MYO3B: variants seen among roughly 807,000 people sequenced by gnomAD.
MYO3B encodes the protein myosin-IIIb.
In MYO3B, 156 loss-of-function variants were observed where a neutral mutation model predicts 174.6. The observed-to-expected ratio is 0.89, with a 90% CI of 0.78 to 1.02. The LOEUF is 1.02. MYO3B is among the 50% of genes least tolerant of loss of function. The pLI is 0.00. For synonymous variants in MYO3B, 563 were observed against 569.1 expected, an observed-to-expected ratio of 0.99 and a Z score of 0.15; for missense variants, 1,632 against 1,639.4, an observed-to-expected ratio of 1.00 and a Z score of 0.08.
At chr2:170,263,838 C>A (rs370869177) in intron 7 of MYO3B, among the ~76,000 whole-genome samples, 6 of 152,112 alleles carry the variant, frequency 3.9e-5, no homozygotes, top group African/African-American at 1.4e-4. Flanking sequence ...TTTACTAATC[C>A]TCCTCAGCAC....
At chr2:170,623,600 G>C (rs1322884893) in intron 32 of MYO3B, among the ~76,000 whole-genome samples, 1 of 152,218 alleles carries the variant, frequency 6.6e-6, no homozygotes, top group East Asian at 1.9e-4. Flanking sequence ...TGTCAATTTT[G>C]GCTTTTGTTG....
rs946642106 is a variant in MYO3B at position 170,654,637 on chromosome 2, G to A, written c.*1516G>A. On this transcript the variant is annotated 3_prime_UTR_variant, in exon 35 of 35. Transcript: ENST00000408978. ...CACTCCAGCCTGGGCGACAGGGCAA[G>A]ACTCTGTCTCAAAAAAAAAAAAAAA... The A allele has an allele frequency of 4.0e-5, 4 of 101,198 alleles. No individual in the cohort carries two copies. The highest frequency in any genetic ancestry group is 8.4e-5 in the African/African-American group (2 of 23,872). 6.3% of individuals were successfully genotyped at this position (101,198 alleles called of 1,614,324 possible). A position where few individuals can be genotyped will look rare whatever the true frequency, so the allele number is the denominator to read the frequency against.
intron 1 of MYO3B, among the ~76,000 whole-genome samples, chr2:170,187,527 C>A (rs1437484304): frequency 6.6e-6 from 1 of 152,124 alleles, no homozygotes; most frequent in Non-Finnish European, 1.5e-5. Flanking sequence ...CTGTGCCCAG[C>A]CACTTTTCTA....
intron 9 of MYO3B, among the ~76,000 whole-genome samples, chr2:170,380,798 A>T (rs2094329580): frequency 6.6e-6 from 1 of 152,166 alleles, no homozygotes; most frequent in South Asian, 2.1e-4. Context: ...AAAAAATTGG[A>T]ATCAGCCTAA....
intron 23 of MYO3B, among the ~76,000 whole-genome samples, chr2:170,455,868 C>G (rs147968906): frequency 6.6e-6 from 1 of 152,026 alleles, no homozygotes; most frequent in Non-Finnish European, 1.5e-5. Context: ...TTTGTAAGTC[C>G]GTGTTGTAGG....
At chr2:170,543,840 C>G in intron 31 of MYO3B, 52 bp from the exon 32 acceptor site, 2 of 1,457,472 alleles carry the variant, frequency 1.4e-6, no homozygotes, top group Non-Finnish European at 9.6e-7. Context: ...GTCCTTAAGG[C>G]TGTTTCATCA....
At chr2:170,603,522 C>G (rs1694642373) in intron 32 of MYO3B, among the ~76,000 whole-genome samples, 1 of 151,990 alleles carries the variant, frequency 6.6e-6, no homozygotes, top group Non-Finnish European at 1.5e-5. Flanking sequence ...CACTGATATC[C>G]CCAGATTTCA....
intron 7 of MYO3B, among the ~76,000 whole-genome samples, chr2:170,289,887 T>C (rs2093584281): frequency 6.6e-6 from 1 of 152,116 alleles, no homozygotes; most frequent in Non-Finnish European, 1.5e-5. Context: ...TAGATTTGGG[T>C]ATGATGTATT....
chr2:170,362,050 A>G (rs2094165486), intron 8 of MYO3B, among the ~76,000 whole-genome samples: 1 of 152,188 alleles, frequency 6.6e-6, no homozygotes. Context: ...TACATATTGC[A>G]GCTCTCTGCC....
chr2:170,542,326 A>C (rs750887791), intron 30 of MYO3B, among the ~76,000 whole-genome samples: 1 of 152,200 alleles, frequency 6.6e-6, no homozygotes, highest in Non-Finnish European at 1.5e-5. Context: ...TGTTCCATGA[A>C]GCATTAGGAT....
intron 1 of MYO3B, among the ~76,000 whole-genome samples, chr2:170,184,511 A>ACAGGATCT (rs1158249175): frequency 2.6e-5 from 4 of 152,212 alleles, no homozygotes; most frequent in Non-Finnish European, 4.4e-5. Flanking sequence ...GTTGCAAATG[A>ACAGGATCT]CAGGATCTCA....
At chr2:170,516,274 T>C (rs1235845325) in intron 29 of MYO3B, among the ~76,000 whole-genome samples, 2 of 151,926 alleles carry the variant, frequency 1.3e-5, no homozygotes, top group Non-Finnish European at 2.9e-5. Context: ...TTGCAACACC[T>C]CCTAATGGTG....
At chr2:170,478,964 A>G (rs892674148) in intron 25 of MYO3B, among the ~76,000 whole-genome samples, 7 of 150,906 alleles carry the variant, frequency 4.6e-5, no homozygotes, top group Admixed American at 4.6e-4. Flanking sequence ...TTATATATGT[A>G]TATATATTTT....
chr2:170,199,450 A>G, intron 2 of MYO3B, 59 bp downstream of exon 2: 2 of 1,266,582 alleles, frequency 1.6e-6, no homozygotes, highest in Non-Finnish European at 2.1e-6. Context: ...CTGAGTTTTC[A>G]ACTTCTTTTC....
chr2:170,350,278 G>A (rs982950181), intron 8 of MYO3B: 6 of 150,784 alleles, frequency 4.0e-5, no homozygotes, highest in East Asian at 1.9e-4. Context: ...AATTTTAACT[G>A]TAAGAAGAAA....
At chr2:170,339,791 G>A (rs2093966339) in intron 8 of MYO3B, among the ~76,000 whole-genome samples, 1 of 152,204 alleles carries the variant, frequency 6.6e-6, no homozygotes, top group African/African-American at 2.4e-5. Flanking sequence ...TTATGCGTTT[G>A]TCAAAGCATG....
chr2:170,298,695 A>AT (rs1271310410), intron 7 of MYO3B, among the ~76,000 whole-genome samples: 14 of 151,686 alleles, frequency 9.2e-5, no homozygotes, highest in South Asian at 8.4e-4. Flanking sequence ...AAAAAAAAAA[A>AT]AAGAATTTCA....
At chr2:170,601,168 T>C (rs947752216) in intron 32 of MYO3B, among the ~76,000 whole-genome samples, 1 of 149,970 alleles carries the variant, frequency 6.7e-6, no homozygotes, top group Non-Finnish European at 1.5e-5. Flanking sequence ...AATAAAAAAA[T>C]TGTATTTACT....
intron 8 of MYO3B, among the ~76,000 whole-genome samples, chr2:170,352,659 A>G (rs2094084533): frequency 6.6e-6 from 1 of 152,166 alleles, no homozygotes; most frequent in South Asian, 2.1e-4. Context: ...TATTCCCACC[A>G]TAGCCAATTT....
Sources: allele counts gnomAD v4.1 joint callset (sites outside exome capture counted in the v4.1 genomes callset), GRCh38; gene constraint gnomAD v4.1.1; transcripts MANE v1.5; gene names NCBI Gene and HGNC (gene_info 2026-07-23, HGNC 2026-07-21).